Variants in RBMS2 observed in about 807,000 individuals in gnomAD.
The protein encoded by RBMS2 is RNA binding motif single stranded interacting protein 2.
Under a neutral mutation model 58.4 loss-of-function variants are expected in RBMS2, and 38 were observed. The ratio of observed to expected loss-of-function variants is 0.65; its 90% CI spans 0.50 to 0.85. The LOEUF is 0.85. RBMS2 is among the 40% of genes least tolerant of loss of function. RBMS2 has a pLI of 0.00. For missense variants in RBMS2, 367 were observed against 503.7 expected (o/e 0.73, Z 2.60); for synonymous variants, 151 against 180.7 (o/e 0.84, Z 1.32).
intron 2 of RBMS2, among the ~76,000 whole-genome samples, chr12:56,563,935 C>G (rs1471768170): frequency 6.6e-6 from 1 of 151,910 alleles, no homozygotes; most frequent in Non-Finnish European, 1.5e-5. Flanking sequence ...TTTGAGGGAG[C>G]GAAAGAGTAT....
chr12:56,587,987 A>C (rs1244492502), intron 11 of RBMS2, among the ~76,000 whole-genome samples: 1 of 152,210 alleles, frequency 6.6e-6, no homozygotes, highest in Non-Finnish European at 1.5e-5. Context: ...GAAGCTCATT[A>C]GGTTTCTTTT....
At chr12:56,552,051 G>A (rs1362595362) in intron 1 of RBMS2, among the ~76,000 whole-genome samples, 1 of 152,244 alleles carries the variant, frequency 6.6e-6, no homozygotes, top group African/African-American at 2.4e-5. Context: ...TCGTGCCACT[G>A]CACTCAGCCT....
chr12:56,572,307 AAG>A, intron 5 of RBMS2, among the ~76,000 whole-genome samples: 1 of 150,912 alleles, frequency 6.6e-6, no homozygotes, highest in East Asian at 1.9e-4. Flanking sequence ...AAAAAAAAAA[AAG>A]GTTCATTTTA....
intron 1 of RBMS2, among the ~76,000 whole-genome samples, chr12:56,538,190 G>C (rs1000073017): frequency 6.6e-6 from 1 of 151,586 alleles, no homozygotes; most frequent in African/African-American, 2.4e-5. Flanking sequence ...GCACCACCAT[G>C]CCCAGCTAAT....
chr12:56,567,412 AAGG>A (rs1305509866), intron 2 of RBMS2, among the ~76,000 whole-genome samples: 7 of 151,102 alleles, frequency 4.6e-5, no homozygotes, highest in African/African-American at 2.4e-5. Flanking sequence ...GAGGAAGGAG[AAGG>A]AGGAGAAGAG....
chr12:56,576,146 T>A (rs914198513), intron 5 of RBMS2, among the ~76,000 whole-genome samples: 3 of 152,090 alleles, frequency 2.0e-5, no homozygotes, highest in African/African-American at 7.2e-5. Context: ...AAGACCAGCC[T>A]GGTCAACATG....
intron 2 of RBMS2, among the ~76,000 whole-genome samples, chr12:56,567,316 C>T (rs567026260): frequency 7.3e-4 from 109 of 149,262 alleles, no homozygotes; most frequent in African/African-American, 2.4e-3. Context: ...ACCTGGGAGG[C>T]GGAGGGTGCA....
chr12:56,589,496 C>G lies in RBMS2; in HGVS notation c.*363C>G. 4.4e-6 allele frequency: 1 copy of G among 228,718 alleles called. No homozygotes were observed. The highest frequency in any genetic ancestry group is 6.7e-5 in the South Asian group (1 of 14,990). 14.2% of individuals were successfully genotyped at this position (228,718 alleles called of 1,614,324 possible). On this transcript the variant is annotated 3_prime_UTR_variant, in exon 14 of 14. Transcript: ENST00000262031. ...CTTCTCATCTATATGAAAAAGTTTTCGATGTATTGGAATTATTTGGGAATG... is the reference window on the plus strand; with the variant it reads ...CTTCTCATCTATATGAAAAAGTTTTGGATGTATTGGAATTATTTGGGAATG...
At position 56,590,949 on chromosome 12, in the gene RBMS2, CTT is replaced by C. The variant is rs1353558377; in HGVS notation, c.*1818_*1819del. 2.0e-5 allele frequency: 3 copies of C among 152,304 alleles called. No individual in the cohort carries two copies. The highest frequency in any genetic ancestry group is 2.0e-4 in the Admixed American group (3 of 15,300). The allele number at this position is 152,304 out of a possible 1,614,324, so 9.4% of individuals were successfully genotyped here. On this transcript the variant is annotated 3_prime_UTR_variant, in exon 14 of 14. Coordinates refer to ENST00000262031, the MANE Select transcript of RBMS2 (RefSeq NM_002898.4). ...TAGCAAAGAGCAATAAATTCCAACT[CTT>C]TATGAGGTCAGGAGTCCTTTAAAAA...
chr12:56,539,102 G>A (rs887699377), intron 1 of RBMS2, among the ~76,000 whole-genome samples: 2 of 149,828 alleles, frequency 1.3e-5, no homozygotes, highest in Admixed American at 6.7e-5. Flanking sequence ...TGCAACCTCC[G>A]CCTCCCAGGT....
intron 5 of RBMS2, among the ~76,000 whole-genome samples, chr12:56,578,262 G>A (rs1254315672): frequency 1.3e-5 from 2 of 152,008 alleles, no homozygotes; most frequent in Non-Finnish European, 2.9e-5. Flanking sequence ...CCAAGTAGCT[G>A]GGATTACAGG....
intron 1 of RBMS2, among the ~76,000 whole-genome samples, chr12:56,555,039 G>A (rs927138786): frequency 1.3e-5 from 2 of 149,238 alleles, no homozygotes; most frequent in Non-Finnish European, 3.0e-5. Flanking sequence ...ATCCCTACAA[G>A]TGGAATTTCT....
rs759677572 is a variant in RBMS2, at chr12:56,562,598, A to C, written c.233+15A>C. ...CTGTGTCAGCCGTAAGTTGGAGTAC[A>C]TGTGCGTAGGCTTCCAGGGACAGTA... On this transcript the variant is annotated intron_variant, in intron 2 of 13. Coordinates refer to ENST00000262031, the MANE Select transcript of RBMS2 (RefSeq NM_002898.4). The C allele has an allele frequency of 1.9e-6, 3 of 1,608,976 alleles. No homozygotes were observed. Among genetic ancestry groups the C allele is most frequent in the East Asian group, 4.5e-5 (2 of 44,860 alleles).
In RBMS2 at chr12:56,543,421, A is replaced by T. The variant is rs574379810; in HGVS notation, c.67-18996A>T. On this transcript the variant is annotated intron_variant, in intron 1 of 13. Coordinates refer to ENST00000262031, the MANE Select transcript of RBMS2 (RefSeq NM_002898.4). ...AATCACTTGAATCCAGGAGGCAGAG[A>T]TTGCTGTGAGCTGGGATCATGCCAT... 1.1e-3 allele frequency among the ~76,000 whole-genome samples: 160 copies of T among 144,836 alleles called. 2 individuals carry two copies. The East Asian group carries it at 0.014, about 12-fold the overall frequency.
chr12:56,572,969 G>A lies in RBMS2; in HGVS notation c.542+1114G>A, dbSNP rs73122797. ...GGCTTTGGTATCTGCCCTCACTGTC[G>A]TAGGGTATCAGCCTCCCTTAGCCCA... On this transcript the variant is annotated intron_variant, in intron 5 of 13. Transcript: ENST00000262031. 7.6e-3 allele frequency: 7,497 copies of A among 981,294 alleles called. 24 individuals carry two copies. The highest frequency in any genetic ancestry group is 0.014 in the South Asian group (289 of 21,228). 60.8% of individuals were successfully genotyped at this position (981,294 alleles called of 1,614,324 possible).
At chr12:56,587,424 T>TTGC in intron 10 of RBMS2, 130 bp from the exon 11 acceptor site, 1 of 904,622 alleles carries the variant, frequency 1.1e-6, no homozygotes, top group Non-Finnish European at 1.6e-6. Flanking sequence ...CATAGTTGGG[T>TTGC]TGCTGCTCAC....
chr12:56,520,535 A>C (rs929751662), upstream of RBMS2, among the ~76,000 whole-genome samples: 9 of 152,114 alleles, frequency 5.9e-5, no homozygotes, highest in Admixed American at 6.5e-5. Context: ...TCCCTATTGC[A>C]CTTGGATTGG....
chr12:56,566,824 A>G (rs1881427594), intron 2 of RBMS2, among the ~76,000 whole-genome samples: 1 of 152,174 alleles, frequency 6.6e-6, no homozygotes, highest in African/African-American at 2.4e-5. Context: ...GTTTCAGAAA[A>G]CAAAAAGAAA....
At chr12:56,532,905 T>G (rs1164031456) in intron 1 of RBMS2, among the ~76,000 whole-genome samples, 1 of 150,680 alleles carries the variant, frequency 6.6e-6, no homozygotes, top group Admixed American at 6.8e-5. Flanking sequence ...AAATTCTGTA[T>G]TTATTACTCT....
Sources: gnomAD v4.1 joint callset for allele counts (sites outside exome capture counted in the v4.1 genomes callset) on GRCh38, gnomAD v4.1.1 for gene constraint, MANE v1.5 for transcripts, NCBI Gene and HGNC (gene_info 2026-07-23, HGNC 2026-07-21) for gene names.